The following GRM1 variants were observed in gnomAD, a reference collection of about 807,000 sequenced individuals.
The protein encoded by GRM1 is glutamate metabotropic receptor 1.
In GRM1, 33 loss-of-function variants were observed where a neutral mutation model predicts 90.9. The ratio of observed to expected loss-of-function variants is 0.36; its 90% CI spans 0.28 to 0.49. The LOEUF is 0.49. Ranked by LOEUF, GRM1 falls within the 20% of genes least tolerant of loss-of-function variation. GRM1 has a pLI of 0.99. For missense variants in GRM1, 1,190 were observed against 1,534.3 expected (o/e 0.78, Z 3.75); for synonymous variants, 700 against 613.2 (o/e 1.14, Z -2.09).
intron 2 of GRM1, among the ~76,000 whole-genome samples, chr6:146,259,885 A>G (rs1781621189): frequency 6.6e-6 from 1 of 150,930 alleles, no homozygotes. Context: ...TCTTCACAGG[A>G]GCTGTATCAT....
At chr6:146,347,643 G>A (rs969644116) in intron 3 of GRM1, among the ~76,000 whole-genome samples, 3 of 152,110 alleles carry the variant, frequency 2.0e-5, no homozygotes, top group Admixed American at 2.0e-4. Context: ...AAAAAAAATT[G>A]CTGGGATAAA....
intron 2 of GRM1, among the ~76,000 whole-genome samples, chr6:146,292,508 G>A (rs1783021633): frequency 6.6e-6 from 1 of 151,852 alleles, no homozygotes; most frequent in Non-Finnish European, 1.5e-5. Flanking sequence ...TGACCAACAA[G>A]CACAGGAAAG....
Position 146,061,013 on chromosome 6 carries a change from A to G in GRM1, c.700+30796A>G, listed in dbSNP as rs938568772. On this transcript the variant is annotated intron_variant, in intron 1 of 7. Coordinates refer to ENST00000282753, the MANE Select transcript of GRM1 (RefSeq NM_001278064.2). The stretch of plus-strand genomic sequence containing the variant: ...CTCTAATGATCAGTGATGTTGACCA[A>G]TTGGCCTAATTGTACTATTATTGTG... Among the ~76,000 whole-genome samples the G allele has an allele frequency of 1.3e-5, 2 of 152,014 alleles. 1 individual carries two copies. Among genetic ancestry groups the G allele is most frequent in the East Asian group, 3.9e-4 (2 of 5,158 alleles).
intron 6 of GRM1, among the ~76,000 whole-genome samples, chr6:146,391,923 C>T (rs1295871533): frequency 2.0e-5 from 3 of 152,004 alleles, no homozygotes; most frequent in Non-Finnish European, 4.4e-5. Context: ...TGTTACAACA[C>T]GAGAGTACTT....
At chr6:146,168,339 A>C (rs1001187077) in intron 2 of GRM1, among the ~76,000 whole-genome samples, 2 of 151,998 alleles carry the variant, frequency 1.3e-5, no homozygotes, top group Admixed American at 6.6e-5. Flanking sequence ...ATTATACTGC[A>C]TCACATATGA....
intron 3 of GRM1, among the ~76,000 whole-genome samples, chr6:146,350,535 G>T (rs949250182): frequency 1.3e-5 from 2 of 151,752 alleles, no homozygotes; most frequent in African/African-American, 4.8e-5. Context: ...AGCATTTGGG[G>T]TTCTAGGCGA....
At chr6:146,353,234 A>G (rs118085349) in intron 4 of GRM1, among the ~76,000 whole-genome samples, 2 of 152,324 alleles carry the variant, frequency 1.3e-5, no homozygotes, top group East Asian at 1.9e-4. Flanking sequence ...GTTCATTCAT[A>G]AACAGTTTCT....
chr6:146,294,123 T>G (rs1783092392), intron 2 of GRM1, among the ~76,000 whole-genome samples: 1 of 151,786 alleles, frequency 6.6e-6, no homozygotes, highest in South Asian at 2.1e-4. Flanking sequence ...TGCTTTATTT[T>G]ATGTTTATTC....
At position 146,277,137 on chromosome 6, in the gene GRM1, A is replaced by C. The variant is rs547232214; in HGVS notation, c.951-27474A>C. On this transcript the variant is annotated intron_variant, in intron 2 of 7. Coordinates refer to ENST00000282753, the MANE Select transcript of GRM1 (RefSeq NM_001278064.2). ...AAATACAATACAATACAATACAATA[A>C]AATACAATAAAGTTTCCCAGCAAGT... Among the ~76,000 whole-genome samples the C allele has an allele frequency of 9.4e-4, 143 of 152,060 alleles. 2 individuals carry two copies. In the South Asian group the frequency reaches 0.011, roughly 11 times the overall value.
At chr6:146,165,158 G>A (rs573837231) in intron 2 of GRM1, among the ~76,000 whole-genome samples, 11 of 152,032 alleles carry the variant, frequency 7.2e-5, no homozygotes, top group East Asian at 3.9e-4. Flanking sequence ...TCAAACACAC[G>A]TGTAAAAAAT....
intron 3 of GRM1, among the ~76,000 whole-genome samples, chr6:146,320,083 A>G (rs1347595573): frequency 6.6e-6 from 1 of 152,152 alleles, no homozygotes; most frequent in Non-Finnish European, 1.5e-5. Flanking sequence ...CCCATTCAGT[A>G]TGATATTGGC....
At chr6:146,181,301 A>T (rs961813590) in intron 2 of GRM1, among the ~76,000 whole-genome samples, 1 of 152,140 alleles carries the variant, frequency 6.6e-6, no homozygotes, top group African/African-American at 2.4e-5. Context: ...TAATGGTGAG[A>T]AATGAAATGT....
At chr6:146,201,237 T>C (rs1779287959) in intron 2 of GRM1, among the ~76,000 whole-genome samples, 1 of 152,320 alleles carries the variant, frequency 6.6e-6, no homozygotes, top group East Asian at 1.9e-4. Flanking sequence ...ATGTCTGTGG[T>C]TTTCACTGCT....
intron 4 of GRM1, among the ~76,000 whole-genome samples, chr6:146,355,595 A>G (rs1298359282): frequency 6.6e-6 from 1 of 152,162 alleles, no homozygotes; most frequent in East Asian, 1.9e-4. Context: ...CCTGTGGGTG[A>G]CAGAATGCAT....
chr6:146,291,474 C>G (rs945579147), intron 2 of GRM1, among the ~76,000 whole-genome samples: 3 of 151,278 alleles, frequency 2.0e-5, no homozygotes, highest in African/African-American at 7.3e-5. Context: ...TATGTAGATA[C>G]ACACATCTAG....
intron 1 of GRM1, among the ~76,000 whole-genome samples, chr6:146,086,011 T>C (rs1776532421): frequency 6.6e-6 from 1 of 152,128 alleles, no homozygotes; most frequent in South Asian, 2.1e-4. Flanking sequence ...ATATAAGTTG[T>C]GCCAGCTACA....
chr6:146,112,919 A>C (rs1434637326), intron 1 of GRM1, among the ~76,000 whole-genome samples: 2 of 152,158 alleles, frequency 1.3e-5, no homozygotes, highest in East Asian at 1.9e-4. Flanking sequence ...ATTTTCAGCC[A>C]TCTAGCTCAC....
intron 2 of GRM1, among the ~76,000 whole-genome samples, chr6:146,292,050 A>T (rs529555251): frequency 6.6e-6 from 1 of 152,026 alleles, no homozygotes; most frequent in Non-Finnish European, 1.5e-5. Context: ...AGATCATTCC[A>T]TGGGAAAAAT....
chr6:146,427,674 T>C (rs934676899), intron 7 of GRM1, among the ~76,000 whole-genome samples: 4 of 152,088 alleles, frequency 2.6e-5, no homozygotes, highest in East Asian at 1.9e-4. Context: ...CCAAATCATA[T>C]TGATTCTTAG....
Sources: allele counts gnomAD v4.1 joint callset (sites outside exome capture counted in the v4.1 genomes callset), GRCh38; gene constraint gnomAD v4.1.1; transcripts MANE v1.5; gene names NCBI Gene and HGNC (gene_info 2026-07-23, HGNC 2026-07-21).